Variants in GNL2 observed in about 807,000 individuals in gnomAD.
The protein encoded by GNL2 is G protein nucleolar 2.
A neutral mutation model predicts 92.3 loss-of-function variants in GNL2; 51 were observed. The ratio of observed to expected loss-of-function variants is 0.55; its 90% confidence interval spans 0.44 to 0.70. GNL2 has a LOEUF of 0.70. Among genes scored for constraint, GNL2 ranks in the 30% least tolerant of loss-of-function variants. GNL2 has a pLI of 0.00. For missense variants in GNL2, 844 were observed against 895.6 expected (o/e 0.94, Z 0.74); for synonymous variants, 283 against 300.6 (o/e 0.94, Z 0.61).
intron 8 of GNL2, among the ~76,000 whole-genome samples, chr1:37,578,040 T>C (rs1350577224): frequency 2.6e-5 from 4 of 152,200 alleles, no homozygotes; most frequent in East Asian, 1.9e-4. Context: ...CAGGATTCTA[T>C]ACCCCTAGAG....
chr1:37,581,581 G>A (rs768049066), intron 8 of GNL2: 1 of 454,944 alleles, frequency 2.2e-6, no homozygotes, highest in Non-Finnish European at 4.4e-6. Context: ...GGTCACGGAT[G>A]GGGGCAAAGG....
intron 2 of GNL2, 139 bp from the exon 3 acceptor site, chr1:37,592,945 A>C (rs1335477962): frequency 1.8e-5 from 11 of 607,462 alleles, no homozygotes; most frequent in Non-Finnish European, 1.2e-5. Flanking sequence ...TCCAGTAAAC[A>C]CAAAGTACTT....
chr1:37,573,137 A>G (rs1436177603), intron 12 of GNL2, among the ~76,000 whole-genome samples: 1 of 152,214 alleles, frequency 6.6e-6, no homozygotes, highest in Non-Finnish European at 1.5e-5. Flanking sequence ...AATACACATG[A>G]AGAGGGAGAG....
chr1:37,574,309 A>C (rs1422710164), intron 12 of GNL2, 34 bp downstream of exon 12: 1 of 1,377,818 alleles, frequency 7.3e-7, no homozygotes, highest in Admixed American at 1.7e-5. Flanking sequence ...GTCAGGACCC[A>C]TGCTCCCCAG....
rs1244432881 is a variant in GNL2, at chr1:37,590,764, A to G, written c.326T>C (p.Val109Ala). The change falls in exon 4 of 16, where the codon GTT becomes GCT. Residue 109 changes from valine (V) to alanine (A), a missense_variant. Physicochemically the swap from Val to Ala is moderately conservative, Grantham distance 64. Transcript: ENST00000373062. ...TGGTAACTTGCTTTGCTTCATGACAACTTTGTATGGATCCTTCATAACTGT... is the reference window on the plus strand; with the variant it reads ...TGGTAACTTGCTTTGCTTCATGACAGCTTTGTATGGATCCTTCATAACTGT... ...MDTVMKDPYK[V>A]VMKQSKLPMS... is the part of the protein sequence containing the mutation. The G allele has an allele frequency of 1.2e-6, 2 of 1,612,168 alleles. No homozygotes were observed. The highest frequency in any genetic ancestry group is 1.7e-6 in the Non-Finnish European group (2 of 1,178,260).
intron 14 of GNL2, chr1:37,567,985 T>G: frequency 1.7e-6 from 1 of 593,912 alleles, no homozygotes; most frequent in South Asian, 2.0e-5. Flanking sequence ...GAGGAATGGA[T>G]AAATGCAGGA....
At chr1:37,588,520 A>G (rs777961375) in intron 4 of GNL2, among the ~76,000 whole-genome samples, 1 of 152,202 alleles carries the variant, frequency 6.6e-6, no homozygotes, top group African/African-American at 2.4e-5. Context: ...CTCATTTTAC[A>G]TGGGAAATAG....
intron 4 of GNL2, among the ~76,000 whole-genome samples, chr1:37,589,936 A>C (rs1328900247): frequency 6.6e-6 from 1 of 152,174 alleles, no homozygotes; most frequent in African/African-American, 2.4e-5. Context: ...CGCTGTCCCA[A>C]AGTTTGATGG....
chr1:37,578,359 A>C (rs1316594287), intron 8 of GNL2, among the ~76,000 whole-genome samples: 1 of 151,880 alleles, frequency 6.6e-6, no homozygotes, highest in Non-Finnish European at 1.5e-5. Flanking sequence ...GAATTGCTTG[A>C]ACCCAGGAGG....
chr1:37,567,087 T>G, intron 15 of GNL2, 80 bp from the exon 16 acceptor site: 1 of 1,415,102 alleles, frequency 7.1e-7, no homozygotes, highest in Non-Finnish European at 9.8e-7. Flanking sequence ...AGTCTCTGCT[T>G]CTCATCTCTG....
chr1:37,591,659 C>T (rs1210690117), intron 3 of GNL2, among the ~76,000 whole-genome samples: 1 of 151,514 alleles, frequency 6.6e-6, no homozygotes, highest in Non-Finnish European at 1.5e-5. Flanking sequence ...GTGCCCACCA[C>T]AACACCTGGC....
chr1:37,595,838 G>A lies in GNL2; in HGVS notation c.-16C>T, dbSNP rs755086222. On this transcript the variant is annotated 5_prime_UTR_variant, in exon 1 of 16. Transcript: ENST00000373062. ...GCTTCACCATCTTGGCGACGAGACC[G>A]GGACCGGAGTGCGAGGTCCGGCTTA... 18 of 1,612,948 alleles carry A rather than the reference G, an allele frequency of 1.1e-5. No homozygotes were observed. The highest frequency in any genetic ancestry group is 2.2e-5 in the South Asian group (2 of 91,078).
chr1:37,583,913 A>C lies in GNL2; in HGVS notation c.590T>G (p.Ile197Ser), dbSNP rs1643811356. The stretch of plus-strand genomic sequence containing the variant: ...TCTTTTGGACTGTCCCTTTTTATAG[A>C]TCTCTTCTTGAGCTTCATTTCTAAA... ...TGVRNEAQEEIYKKGQSKRIW... is the reference protein window; with the variant it reads ...TGVRNEAQEESYKKGQSKRIW... The change falls in exon 6 of 16, where the codon ATC becomes AGC. Residue 197 changes from isoleucine (I) to serine (S), a missense_variant. Coordinates refer to ENST00000373062, the MANE Select transcript of GNL2 (RefSeq NM_013285.3). The C allele has an allele frequency of 3.2e-6, 5 of 1,582,820 alleles. No individual in the cohort carries two copies. In the South Asian group the frequency reaches 5.5e-5, roughly 17 times the overall value.
intron 4 of GNL2, among the ~76,000 whole-genome samples, chr1:37,590,413 T>C (rs919873998): frequency 1.1e-4 from 16 of 152,228 alleles, no homozygotes; most frequent in African/African-American, 3.9e-4. Flanking sequence ...GACCTATCTA[T>C]ACTTTCAAGG....
intron 12 of GNL2, 73 bp downstream of exon 12, chr1:37,574,270 G>A (rs1034019898): frequency 1.2e-6 from 1 of 817,500 alleles, no homozygotes; most frequent in African/African-American, 1.7e-5. Flanking sequence ...TCTATGAAGA[G>A]AGACAATCAC....
At chr1:37,582,987 G>A in intron 6 of GNL2, 51 bp from the exon 7 acceptor site, 1 of 1,289,310 alleles carries the variant, frequency 7.8e-7, no homozygotes, top group South Asian at 1.3e-5. Context: ...AATAAAAGAG[G>A]GATGACATTT....
chr1:37,589,376 C>T (rs1387527836), intron 4 of GNL2, among the ~76,000 whole-genome samples: 1 of 152,252 alleles, frequency 6.6e-6, no homozygotes, highest in African/African-American at 2.4e-5. Flanking sequence ...GCAATCTCGG[C>T]TCACTGCAAG....
chr1:37,574,140 C>G (rs1053051535), intron 12 of GNL2, among the ~76,000 whole-genome samples: 1 of 152,172 alleles, frequency 6.6e-6, no homozygotes, highest in African/African-American at 2.4e-5. Context: ...ATCCACCTAC[C>G]TCGGCCTCCC....
At chr1:37,579,107 T>C (rs763499258) in intron 8 of GNL2, among the ~76,000 whole-genome samples, 1 of 151,656 alleles carries the variant, frequency 6.6e-6, no homozygotes, top group Non-Finnish European at 1.5e-5. Context: ...GACAGGAAAA[T>C]TTCAAAACGT....
Sources: allele counts gnomAD v4.1 joint callset (sites outside exome capture counted in the v4.1 genomes callset), GRCh38; gene constraint gnomAD v4.1.1; transcripts MANE v1.5; gene names NCBI Gene and HGNC (gene_info 2026-07-23, HGNC 2026-07-21).